ENTREP2: variants seen among roughly 807,000 people sequenced by gnomAD.
The protein encoded by ENTREP2 is endosomal transmembrane epsin interactor 2.
At chr15:29,652,182 C>T in the ENTREP2 span, among the ~76,000 whole-genome samples, 1 of 152,192 alleles carries the variant, frequency 6.6e-6, no homozygotes, top group Non-Finnish European at 1.5e-5. Flanking sequence ...GAGAAACACA[C>T]TCCAGGTCCT....
chr15:29,428,688 C>T, the ENTREP2 span, among the ~76,000 whole-genome samples: 2 of 152,202 alleles, frequency 1.3e-5, no homozygotes, highest in Non-Finnish European at 2.9e-5. Context: ...TAATAAATAG[C>T]GCCAGCACTG....
At chr15:29,482,381 G>A in the ENTREP2 span, among the ~76,000 whole-genome samples, 1 of 152,068 alleles carries the variant, frequency 6.6e-6, no homozygotes, top group South Asian at 2.1e-4. Flanking sequence ...GTATACATTA[G>A]GGTTCACTCT....
the ENTREP2 span, chr15:29,117,722 A>ATATT: frequency 2.6e-5 from 4 of 155,810 alleles, no homozygotes; most frequent in African/African-American, 9.7e-5. Flanking sequence ...TGAAAACTCC[A>ATATT]TATTTATTTA....
the ENTREP2 span, among the ~76,000 whole-genome samples, chr15:29,208,027 T>C: frequency 6.6e-6 from 1 of 152,108 alleles, no homozygotes; most frequent in Non-Finnish European, 1.5e-5. Flanking sequence ...GTAGCCCCCC[T>C]GTCCCCTGGG....
the ENTREP2 span, among the ~76,000 whole-genome samples, chr15:29,401,348 C>T: frequency 6.6e-6 from 1 of 152,008 alleles, no homozygotes; most frequent in Admixed American, 6.5e-5. Context: ...AAAAAAATGG[C>T]TGAATACGAT....
At chr15:29,123,195 C>T in the ENTREP2 span, 8 of 868,120 alleles carry the variant, frequency 9.2e-6, no homozygotes, top group Middle Eastern at 2.4e-4. Context: ...CTGCCCACAC[C>T]GCCCCCAGAT....
At chr15:29,265,765 G>A in the ENTREP2 span, 4 of 152,210 alleles carry the variant, frequency 2.6e-5, no homozygotes, top group Non-Finnish European at 4.4e-5. Context: ...ATAAATCAGT[G>A]TGGAAAGTAT....
At chr15:29,179,561 G>A in the ENTREP2 span, among the ~76,000 whole-genome samples, 8 of 151,870 alleles carry the variant, frequency 5.3e-5, no homozygotes, top group Admixed American at 3.9e-4. Context: ...CAGTAACTGC[G>A]TGGATCAGGG....
the ENTREP2 span, among the ~76,000 whole-genome samples, chr15:29,480,350 A>AC: frequency 6.9e-6 from 1 of 145,676 alleles, no homozygotes; most frequent in African/African-American, 2.6e-5. Context: ...AAAAAAAAAA[A>AC]AAAAAAAAAA....
At chr15:29,656,987 G>A in the ENTREP2 span, among the ~76,000 whole-genome samples, 979 of 152,186 alleles carry the variant, frequency 6.4e-3, 10 homozygotes, top group African/African-American at 0.022. Flanking sequence ...AGTTGCTGCC[G>A]GCCAGGGTGT....
chr15:29,411,235 G>A, the ENTREP2 span, among the ~76,000 whole-genome samples: 2 of 152,150 alleles, frequency 1.3e-5, no homozygotes, highest in South Asian at 2.1e-4. Context: ...TGCAGGTCAC[G>A]GTATGTGTGC....
chr15:29,127,731 C>A, the ENTREP2 span, among the ~76,000 whole-genome samples: 1 of 152,172 alleles, frequency 6.6e-6, no homozygotes, highest in African/African-American at 2.4e-5. Context: ...CTGCTGAATT[C>A]TGGGTGAGGA....
the ENTREP2 span, among the ~76,000 whole-genome samples, chr15:29,656,743 C>T: frequency 1.3e-5 from 2 of 152,156 alleles, no homozygotes; most frequent in Admixed American, 6.5e-5. Flanking sequence ...CATATCTTAT[C>T]TTGCTTGAAA....
At chr15:29,508,250 G>T in the ENTREP2 span, among the ~76,000 whole-genome samples, 1 of 152,138 alleles carries the variant, frequency 6.6e-6, no homozygotes, top group African/African-American at 2.4e-5. Context: ...AATTGAAGCA[G>T]TAATTAATAG....
the ENTREP2 span, among the ~76,000 whole-genome samples, chr15:29,271,261 A>G: frequency 6.6e-6 from 1 of 152,236 alleles, no homozygotes; most frequent in Non-Finnish European, 1.5e-5. Flanking sequence ...TTTTACAATG[A>G]GAAAATTCAT....
At chr15:29,569,330 G>C in the ENTREP2 span, among the ~76,000 whole-genome samples, 1 of 152,016 alleles carries the variant, frequency 6.6e-6, no homozygotes, top group Non-Finnish European at 1.5e-5. Context: ...AGGCAATTTT[G>C]CTCAGATCTT....
At chr15:29,178,638 T>C in the ENTREP2 span, among the ~76,000 whole-genome samples, 1 of 152,056 alleles carries the variant, frequency 6.6e-6, no homozygotes, top group East Asian at 1.9e-4. Flanking sequence ...TCCCCTTAAG[T>C]TTCTGCTAAG....
At chr15:29,561,980 C>CT in the ENTREP2 span, among the ~76,000 whole-genome samples, 3 of 152,164 alleles carry the variant, frequency 2.0e-5, no homozygotes, top group Admixed American at 1.3e-4. Flanking sequence ...GTGAGAAGGG[C>CT]TGACATCAAC....
chr15:29,189,497 A>C, the ENTREP2 span, among the ~76,000 whole-genome samples: 1 of 152,110 alleles, frequency 6.6e-6, no homozygotes, highest in African/African-American at 2.4e-5. Flanking sequence ...ATTTCTTGGG[A>C]AACTTTTATC....
Sources: gnomAD v4.1 joint callset for allele counts (sites outside exome capture counted in the v4.1 genomes callset) on GRCh38, gnomAD v4.1.1 for gene constraint, MANE v1.5 for transcripts, NCBI Gene and HGNC (gene_info 2026-07-23, HGNC 2026-07-21) for gene names.